Variants in USP24 observed in about 807,000 individuals in gnomAD.
USP24 encodes ubiquitin specific peptidase 24, also known as ubiquitin carboxyl-terminal hydrolase 24.
A neutral mutation model predicts 361.6 loss-of-function variants in USP24; 97 were observed. That is an observed-to-expected ratio of 0.27 (90% confidence interval 0.23 to 0.32). USP24 has a LOEUF of 0.32. Among genes scored for constraint, USP24 ranks in the 10% least tolerant of loss-of-function variants. USP24 has a pLI of 1.00. For missense variants in USP24, 2,353 were observed against 3,165.6 expected (o/e 0.74, Z 6.16); for synonymous variants, 1,098 against 1,124.6 (o/e 0.98, Z 0.47).
At chr1:55,097,560 G>T in intron 48 of USP24, 38 bp downstream of exon 48, 1 of 1,524,912 alleles carries the variant, frequency 6.6e-7, no homozygotes, top group South Asian at 1.3e-5. Context: ...GTGAGGAAAT[G>T]AATGGTTGTG....
At chr1:55,152,850 T>C (rs2100735658) in intron 16 of USP24, among the ~76,000 whole-genome samples, 1 of 152,288 alleles carries the variant, frequency 6.6e-6, no homozygotes, top group East Asian at 1.9e-4. Flanking sequence ...AACTAAACTT[T>C]GTGATCAAAC....
At chr1:55,079,895 CAG>C (rs1180686403) in intron 59 of USP24, among the ~76,000 whole-genome samples, 2 of 151,522 alleles carry the variant, frequency 1.3e-5, no homozygotes, top group Admixed American at 1.3e-4. Flanking sequence ...CTCGCACACA[CAG>C]AGAACTCGCA....
chr1:55,102,879 T>G (rs1423259529), intron 42 of USP24, among the ~76,000 whole-genome samples: 1 of 152,220 alleles, frequency 6.6e-6, no homozygotes, highest in Non-Finnish European at 1.5e-5. Flanking sequence ...TAAACCATTT[T>G]GATCAATCAA....
At chr1:55,134,225 T>C (rs1056549799) in intron 29 of USP24, 62 bp from the exon 30 acceptor site, 6 of 1,564,668 alleles carry the variant, frequency 3.8e-6, no homozygotes, top group Non-Finnish European at 5.2e-6. Context: ...CAAAGTCCAT[T>C]AGTATGGAAT....
At position 55,183,626 on chromosome 1, in the gene USP24, A is replaced by C. The variant is rs1193545778; in HGVS notation, c.325-5494T>G. ...ACAAAAAGATGTAAGAGATAAGAAA[A>C]CAAAGAGCAAAGCGGCAAATGTAAA... is the stretch of plus-strand genomic sequence containing the variant. On this transcript the variant is annotated intron_variant, in intron 1 of 67. Transcript: ENST00000294383. 6.6e-5 allele frequency among the ~76,000 whole-genome samples: 10 copies of C among 152,228 alleles called. 1 individual carries two copies. The East Asian group carries it at 1.7e-3, about 26-fold the overall frequency.
rs374770517 is a variant in USP24 at position 55,072,435 on chromosome 1, G to A, written c.7603-32C>T. 1.3e-5 allele frequency: 21 copies of A among 1,575,006 alleles called. No individual in the cohort carries two copies. The African/African-American group carries it at 2.4e-4, about 18-fold the overall frequency. On this transcript the variant is annotated intron_variant, in intron 65 of 67. Coordinates refer to ENST00000294383, the MANE Select transcript of USP24 (RefSeq NM_015306.3). ...TGAAAGGTCAAAAATGCCATCAGAGGTGACAAATAAGCCCCCATGGGTTCA... is the reference window on the plus strand; with the variant it reads ...TGAAAGGTCAAAAATGCCATCAGAGATGACAAATAAGCCCCCATGGGTTCA...
At chr1:55,142,939 C>A in intron 22 of USP24, 40 bp downstream of exon 22, 3 of 1,464,888 alleles carry the variant, frequency 2.0e-6, no homozygotes, top group Non-Finnish European at 2.7e-6. Context: ...TAATTTTCTG[C>A]TTTTTTGTAT....
At chr1:55,135,442 G>A (rs895599464) in intron 28 of USP24, among the ~76,000 whole-genome samples, 4 of 152,132 alleles carry the variant, frequency 2.6e-5, no homozygotes, top group Non-Finnish European at 5.9e-5. Context: ...TCATGTAACC[G>A]ATCTCAGTCA....
chr1:55,087,369 C>T (rs1441406856), intron 55 of USP24, among the ~76,000 whole-genome samples: 5 of 152,134 alleles, frequency 3.3e-5, no homozygotes, highest in Non-Finnish European at 7.4e-5. Context: ...ACCCAAAGGA[C>T]GTTACAGTTT....
At chr1:55,089,373 T>G (rs1018949795) in intron 55 of USP24, among the ~76,000 whole-genome samples, 5 of 152,174 alleles carry the variant, frequency 3.3e-5, no homozygotes, top group African/African-American at 1.2e-4. Context: ...AGCAGGGGTT[T>G]AAGACCCACG....
At position 55,107,385 on chromosome 1, in the gene USP24, T is replaced by G; in HGVS notation, c.4616A>C (p.Glu1539Ala). ...GTTATCCAGCCAAGTAATCTCATCT[T>G]CAAGCATCGTAGCTGGGCTGATCCT... ...QLRISPATML[E>A]DEITWLDNFE... The change falls in exon 40 of 68, where the codon GAA becomes GCA. Residue 1539 changes from glutamate (E) to alanine (A), a missense_variant. By Grantham distance (107) the Glu-to-Ala change is moderately radical. Transcript: ENST00000294383. 2 of 1,613,676 alleles carry G rather than the reference T, an allele frequency of 1.2e-6. No individual in the cohort carries two copies. Among genetic ancestry groups the G allele is most frequent in the Non-Finnish European group, 1.7e-6 (2 of 1,179,738 alleles).
At chr1:55,137,932 A>T in intron 26 of USP24, 28 bp from the exon 27 acceptor site, 2 of 1,545,706 alleles carry the variant, frequency 1.3e-6, no homozygotes, top group Non-Finnish European at 1.8e-6. Flanking sequence ...ACACGTTGTG[A>T]GAGAATTCAT....
Position 55,079,621 on chromosome 1 carries a change from C to A in USP24, c.7117G>T (p.Ala2373Ser), listed in dbSNP as rs373853755. Reference sequence around the variant, plus strand: ...AGGGGCAACAGAGGGCTTGAGGGAGCAATGCTAATGGGTGGTCGTTGCTTA... The same window carrying A: ...AGGGGCAACAGAGGGCTTGAGGGAGAAATGCTAATGGGTGGTCGTTGCTTA... ...IFKQRPPISI[A>S]PSSPLLPLHE... The change falls in exon 60 of 68, where the codon GCT (alanine) becomes TCT (serine). Residue 2373 changes from alanine to serine, a missense_variant. Coordinates refer to ENST00000294383, the MANE Select transcript of USP24 (RefSeq NM_015306.3). 1 of 1,549,568 alleles carries A rather than the reference C, an allele frequency of 6.5e-7. No individual in the cohort carries two copies. Among genetic ancestry groups the A allele is most frequent in the Admixed American group, 2.3e-5 (1 of 43,710 alleles).
chr1:55,117,866 AAAAG>A (rs1436799145), intron 38 of USP24, among the ~76,000 whole-genome samples: 1 of 152,156 alleles, frequency 6.6e-6, no homozygotes, highest in Non-Finnish European at 1.5e-5. Context: ...ATCAAACTGA[AAAAG>A]AAATCAACAA....
intron 38 of USP24, among the ~76,000 whole-genome samples, chr1:55,110,593 G>C (rs1645920893): frequency 6.6e-6 from 1 of 152,070 alleles, no homozygotes; most frequent in Non-Finnish European, 1.5e-5. Context: ...AACTGTTTTG[G>C]GAGATTAGTG....
intron 54 of USP24, among the ~76,000 whole-genome samples, chr1:55,091,798 T>G (rs556177285): frequency 2.5e-4 from 38 of 152,346 alleles, no homozygotes; most frequent in Non-Finnish European, 3.1e-4. Flanking sequence ...TTCGAAGATG[T>G]ACAGAATTTA....
At chr1:55,173,725 G>C (rs894310656) in intron 3 of USP24, among the ~76,000 whole-genome samples, 2 of 152,172 alleles carry the variant, frequency 1.3e-5, no homozygotes, top group Admixed American at 1.3e-4. Flanking sequence ...CGCACTACTT[G>C]CTCAAATTAG....
chr1:55,073,230 A>G (rs1752394), intron 64 of USP24, among the ~76,000 whole-genome samples: 118,593 of 151,972 alleles, frequency 0.78, 46,735 homozygotes, highest in East Asian at 0.96. Flanking sequence ...TGTACATTTC[A>G]CCACAATTAA....
rs528083426 is a variant in USP24, at chr1:55,079,471, T to A, written c.7200+67A>T. 11 of 1,542,192 alleles carry A rather than the reference T, an allele frequency of 7.1e-6. No homozygotes were observed. The East Asian group carries it at 2.6e-4, about 37-fold the overall frequency. The stretch of plus-strand genomic sequence containing the variant: ...CAATACTCTTCATGCCAAACATAAC[T>A]CGTAACAAAAAGCAATTTTCCTCAA... On this transcript the variant is annotated intron_variant, in intron 60 of 67. Coordinates refer to ENST00000294383, the MANE Select transcript of USP24 (RefSeq NM_015306.3).
Sources: allele counts gnomAD v4.1 joint callset (sites outside exome capture counted in the v4.1 genomes callset), GRCh38; gene constraint gnomAD v4.1.1; transcripts MANE v1.5; gene names NCBI Gene and HGNC (gene_info 2026-07-23, HGNC 2026-07-21).